LITAF: variants seen among roughly 807,000 people sequenced by gnomAD.
LITAF encodes lipopolysaccharide-induced tumor necrosis factor-alpha factor.
A neutral mutation model predicts 14.5 loss-of-function variants in LITAF; 9 were observed. The observed-to-expected ratio is 0.62, with a 90% CI of 0.37 to 1.08. The LOEUF (loss-of-function observed/expected upper bound fraction) is 1.08. LITAF is among the 50% of genes least tolerant of loss of function. LITAF has a pLI of 0.01. For missense variants in LITAF, 206 were observed against 213.4 expected (o/e 0.97, Z 0.22); for synonymous variants, 98 against 88.2 (o/e 1.11, Z -0.62).
rs988653660 is a variant in LITAF, at chr16:11,586,633, C to T, written c.-6+253G>A. 6.6e-6 allele frequency among the ~76,000 whole-genome samples: 1 copy of T among 151,874 alleles called. No homozygotes were observed. The highest frequency in any genetic ancestry group is 2.4e-5 in the African/African-American group (1 of 41,404). ...GACCCCGCCACGCGCGATCGGGCCA[C>T]TCTGGGACGCAGGAGCTGAACCCAA... On this transcript the variant is annotated intron_variant, in intron 1 of 3. Transcript: ENST00000622633. This position sits in a 1 kb window ranked among gnomAD's most constrained non-coding sequence, Gnocchi z 6.5.
At chr16:11,592,710 A>G (rs2064854985) in intron 1 of LITAF, among the ~76,000 whole-genome samples, 1 of 152,238 alleles carries the variant, frequency 6.6e-6, no homozygotes, top group South Asian at 2.1e-4. Flanking sequence ...CCACAACGAG[A>G]TACCTCTTTA....
chr16:11,627,884 C>A (rs908359310), intron 3 of LITAF, among the ~76,000 whole-genome samples: 1 of 151,654 alleles, frequency 6.6e-6, no homozygotes, highest in Admixed American at 6.6e-5. Flanking sequence ...GGGCGTGGTA[C>A]CACACATCTG....
At chr16:11,628,009 C>CAA (rs34480494) in intron 3 of LITAF, among the ~76,000 whole-genome samples, 55 of 54,724 alleles carry the variant, frequency 1.0e-3, no homozygotes, top group Middle Eastern at 0.01. Context: ...GAGACTCTGT[C>CAA]AAAAAAAAAA....
intron 2 of LITAF, chr16:11,556,193 G>A (rs914672325): frequency 4.1e-6 from 2 of 486,318 alleles, no homozygotes; most frequent in Non-Finnish European, 7.2e-6. Context: ...TCAGACCTCA[G>A]GAGGAAGTGT....
chr16:11,628,332 G>A (rs367991588), intron 3 of LITAF, among the ~76,000 whole-genome samples: 7 of 152,224 alleles, frequency 4.6e-5, no homozygotes, highest in African/African-American at 1.7e-4. Context: ...CCAGCTAAGA[G>A]TCCTGGGAAC....
At chr16:11,573,059 G>T (rs1164255624) in intron 1 of LITAF, among the ~76,000 whole-genome samples, 1 of 151,848 alleles carries the variant, frequency 6.6e-6, no homozygotes, top group Non-Finnish European at 1.5e-5. Context: ...CCCCTGAGTA[G>T]CTGGGACTAC....
At chr16:11,618,830 A>G (rs1216936137) in intron 3 of LITAF, among the ~76,000 whole-genome samples, 1 of 151,916 alleles carries the variant, frequency 6.6e-6, no homozygotes. Flanking sequence ...TAAAAATACG[A>G]AAGTTAGCCG....
upstream of LITAF, among the ~76,000 whole-genome samples, chr16:11,591,926 T>C (rs1463910076): frequency 1.3e-5 from 2 of 152,198 alleles, no homozygotes; most frequent in Admixed American, 6.5e-5. Flanking sequence ...GACAACTGGA[T>C]ATCCACATGT....
rs2141716501 is a variant in LITAF at position 11,556,549 on chromosome 16, T to C, written c.182A>G (p.Tyr61Cys). The C allele has an allele frequency of 1.9e-6, 3 of 1,614,132 alleles. No individual in the cohort carries two copies. The highest frequency in any genetic ancestry group is 1.7e-4 in the Middle Eastern group (1 of 6,060). Residue 61 changes from tyrosine (Y) to cysteine (C), a missense_variant, in exon 2 of 4, where the codon TAT (tyrosine) becomes TGT (cysteine). Tyr to Cys is a radical substitution (Grantham distance 194). Transcript: ENST00000622633. ...PDGKGMNPPSYYTQPAPIPNN... is the reference protein window; with the variant it reads ...PDGKGMNPPSCYTQPAPIPNN... ...GGGGATGGGCGCTGGCTGGGTATAA[T>C]ACGAAGGAGGATTCATGCCCTTCCC...
chr16:11,638,778 GAGCAATTCTCATGT>G (rs1191027624), upstream of LITAF, among the ~76,000 whole-genome samples: 1 of 146,410 alleles, frequency 6.8e-6, no homozygotes, highest in Non-Finnish European at 1.5e-5. Flanking sequence ...ATTCCTAATG[GAGCAATTCTCATGT>G]TAATATTAGT....
intron 3 of LITAF, among the ~76,000 whole-genome samples, chr16:11,603,705 G>C (rs1172810717): frequency 6.6e-6 from 1 of 152,176 alleles, no homozygotes; most frequent in Non-Finnish European, 1.5e-5. Context: ...TTCCAGCTTA[G>C]CTGACAAAGA....
intron 1 of LITAF, among the ~76,000 whole-genome samples, chr16:11,595,747 A>G (rs1363666533): frequency 1.3e-5 from 2 of 152,086 alleles, no homozygotes; most frequent in Non-Finnish European, 2.9e-5. Context: ...AAACAAAACA[A>G]AACAAAAAAA....
chr16:11,609,458 CCCGT>C, intron 3 of LITAF, among the ~76,000 whole-genome samples: 1 of 152,168 alleles, frequency 6.6e-6, no homozygotes, highest in African/African-American at 2.4e-5. Flanking sequence ...AAGTGATCCA[CCCGT>C]CTCGGCCTCC....
At chr16:11,640,130 AG>A (rs1406350675), upstream of LITAF, among the ~76,000 whole-genome samples, 2 of 152,102 alleles carry the variant, frequency 1.3e-5, no homozygotes, top group African/African-American at 4.8e-5. Context: ...GTAGAAAGGG[AG>A]GTCCACTCTG....
chr16:11,570,212 T>A (rs1177706942), intron 1 of LITAF, among the ~76,000 whole-genome samples: 1 of 152,150 alleles, frequency 6.6e-6, no homozygotes, highest in African/African-American at 2.4e-5. Context: ...CCAACAGTAG[T>A]ACTTACACTT....
At chr16:11,616,786 C>T (rs939984848) in intron 3 of LITAF, among the ~76,000 whole-genome samples, 44 of 151,064 alleles carry the variant, frequency 2.9e-4, no homozygotes, top group African/African-American at 9.2e-4. Context: ...GTGGTGCACA[C>T]GTGTGGTCCC....
At chr16:11,596,097 A>T (rs2064883638) in intron 1 of LITAF, among the ~76,000 whole-genome samples, 2 of 152,156 alleles carry the variant, frequency 1.3e-5, no homozygotes, top group Non-Finnish European at 2.9e-5. Context: ...GTAGAGGCCC[A>T]GGTGAGCTTC....
upstream of LITAF, among the ~76,000 whole-genome samples, chr16:11,591,708 T>C (rs2064847446): frequency 6.6e-6 from 1 of 152,154 alleles, no homozygotes; most frequent in Admixed American, 6.5e-5. Flanking sequence ...TGGCGTGATC[T>C]TGGCTCACTG....
At chr16:11,556,104 A>G (rs1421718573) in intron 2 of LITAF, among the ~76,000 whole-genome samples, 1 of 152,200 alleles carries the variant, frequency 6.6e-6, no homozygotes, top group South Asian at 2.1e-4. Flanking sequence ...GTATGAAAAC[A>G]CAATCACACA....
Sources: gnomAD v4.1 joint callset for allele counts (sites outside exome capture counted in the v4.1 genomes callset) on GRCh38, gnomAD v4.1.1 for gene constraint, Gnocchi (gnomAD v3.1) non-coding constraint, MANE v1.5 for transcripts, NCBI Gene and HGNC (gene_info 2026-07-23, HGNC 2026-07-21) for gene names.